Variants in OTOG observed in about 807,000 individuals in gnomAD.
OTOG encodes the protein otogelin.
Under a neutral mutation model 313.8 loss-of-function variants are expected in OTOG, and 296 were observed. That is an observed-to-expected ratio of 0.94 (90% CI 0.86 to 1.04). OTOG has a LOEUF of 1.04. Ranked by LOEUF, OTOG falls within the 50% of genes least tolerant of loss-of-function variation. The pLI is 0.00. For synonymous variants in OTOG, 1,533 were observed against 1,554.9 expected, an observed-to-expected ratio of 0.99 and a Z score of 0.33; for missense variants, 3,948 against 3,840.1, an observed-to-expected ratio of 1.03 and a Z score of -0.74.
chr11:17,599,861 G>T (rs1326411425), intron 31 of OTOG, among the ~76,000 whole-genome samples, 164 bp downstream of exon 31: 2 of 152,160 alleles, frequency 1.3e-5, no homozygotes, highest in Non-Finnish European at 2.9e-5. Context: ...ACAGTGAAGG[G>T]CCCAGGGGTG....
At chr11:17,566,908 C>G (rs1852303811) in intron 15 of OTOG, among the ~76,000 whole-genome samples, 1 of 152,146 alleles carries the variant, frequency 6.6e-6, no homozygotes, top group Non-Finnish European at 1.5e-5. Flanking sequence ...TCCTGGGATC[C>G]CCTCCTACGT....
At chr11:17,561,925 T>C (rs1852195509) in intron 15 of OTOG, 118 bp downstream of exon 15, 1 of 1,284,152 alleles carries the variant, frequency 7.8e-7, no homozygotes, top group Admixed American at 2.2e-5. Context: ...CTGCTGCCTC[T>C]TCTCTCTGGG....
At chr11:17,593,939 C>A in intron 27 of OTOG, 108 bp from the exon 28 acceptor site, 1 of 1,452,476 alleles carries the variant, frequency 6.9e-7, no homozygotes, top group Non-Finnish European at 9.3e-7. Context: ...GTGACCTCAG[C>A]AGTGGCTTCT....
intron 49 of OTOG, 104 bp from the exon 50 acceptor site, chr11:17,640,641 A>G (rs1344121367): frequency 5.7e-6 from 7 of 1,233,310 alleles, no homozygotes; most frequent in Non-Finnish European, 7.8e-6. Flanking sequence ...CCTCCTGCCC[A>G]CCACAGGGAG....
chr11:17,608,459 A>AGT (rs1232651080), intron 34 of OTOG, 46 bp downstream of exon 34: 6 of 1,304,146 alleles, frequency 4.6e-6, no homozygotes, highest in Non-Finnish European at 6.2e-6. Flanking sequence ...TGTGTGCACT[A>AGT]GTGTGTGTGT....
rs186878861 is a variant in OTOG, at chr11:17,608,447, G to A, written c.4274+34G>A. On this transcript the variant is annotated intron_variant, in intron 34 of 55. Coordinates refer to ENST00000399397, the MANE Select transcript of OTOG (RefSeq NM_001292063.2). ...CCAGGGGCTGTGGGCATGGAGCCAA[G>A]GTGTGTGCACTAGTGTGTGTGTGCA... 3.0e-4 allele frequency: 433 copies of A among 1,428,236 alleles called. No individual in the cohort carries two copies. In the Middle Eastern group the frequency reaches 3.1e-3, roughly 10 times the overall value. The allele number at this position is 1,428,236 out of a possible 1,614,324, so 88.5% of individuals were successfully genotyped here.
Position 17,593,336 on chromosome 11 carries a change from C to T in OTOG, c.3141+9C>T. 1 of 1,550,364 alleles carries T rather than the reference C, an allele frequency of 6.5e-7. No homozygotes were observed. The highest frequency in any genetic ancestry group is 8.7e-7 in the Non-Finnish European group (1 of 1,146,842). ...ATGACTCCGGAAATCCTGTAAGGCTCAGTGCCTGTGAAGGTTGTGTAGACA... is the reference window on the plus strand; with the variant it reads ...ATGACTCCGGAAATCCTGTAAGGCTTAGTGCCTGTGAAGGTTGTGTAGACA... On this transcript the variant is annotated intron_variant, in intron 26 of 55. Coordinates refer to ENST00000399397, the MANE Select transcript of OTOG (RefSeq NM_001292063.2).
At chr11:17,580,474 G>A (rs1365741740) in intron 23 of OTOG, among the ~76,000 whole-genome samples, 1 of 152,204 alleles carries the variant, frequency 6.6e-6, no homozygotes, top group Non-Finnish European at 1.5e-5. Context: ...GTAAAGAGAG[G>A]GTACTTTGCA....
chr11:17,583,896 T>C (rs949984211), intron 23 of OTOG, among the ~76,000 whole-genome samples: 3 of 152,206 alleles, frequency 2.0e-5, no homozygotes, highest in Non-Finnish European at 2.9e-5. Context: ...ATAGATCAAT[T>C]TGGGGAGAAT....
In OTOG at chr11:17,581,470, TC is replaced by T. The variant is rs561068323; in HGVS notation, c.2759+2947del. 2.0e-4 allele frequency among the ~76,000 whole-genome samples: 30 copies of T among 152,274 alleles called. No homozygotes were observed. The South Asian group carries it at 6.2e-3, about 32-fold the overall frequency. On this transcript the variant is annotated intron_variant, in intron 23 of 55. Coordinates refer to ENST00000399397, the MANE Select transcript of OTOG (RefSeq NM_001292063.2). ...CAGCTCAGAGATGACAGAGATTTCT[TC>T]CCTTGAAAATTGGCTGGGCCAATAG...
At chr11:17,590,474 C>T (rs1456641737) in intron 24 of OTOG, among the ~76,000 whole-genome samples, 1 of 152,234 alleles carries the variant, frequency 6.6e-6, no homozygotes, top group East Asian at 1.9e-4. Context: ...CTGCTGTTAC[C>T]CTGCTCCAGG....
chr11:17,573,111 CG>C lies in OTOG; in HGVS notation c.2119del (p.Glu707ArgfsTer10). 1 of 1,548,234 alleles carries C rather than the reference CG, an allele frequency of 6.5e-7. No homozygotes were observed. On this transcript the variant is annotated frameshift_variant, in exon 19 of 56. Transcript: ENST00000399397. LOFTEE classifies it high-confidence loss of function. Reference protein sequence around the residue: ...SYSVQACSVLTGEMFAPCSAF... With the variant: ...SYSVQACSVLXGEMFAPCSAF... ...TCAGTGCAGGCCTGCAGCGTGCTCA[CG>C]GGGGAGATGTTTGCGCCCTGCTCTG...
intron 31 of OTOG, among the ~76,000 whole-genome samples, chr11:17,599,958 GC>G (rs1273094879): frequency 6.6e-6 from 1 of 152,236 alleles, no homozygotes; most frequent in African/African-American, 2.4e-5. Context: ...CGGCAGGGCA[GC>G]CCCACCAGGA....
chr11:17,593,115 G>A (rs1010904178), intron 25 of OTOG, 78 bp from the exon 26 acceptor site: 41 of 1,383,552 alleles, frequency 3.0e-5, no homozygotes, highest in African/African-American at 1.2e-4. Flanking sequence ...TCCAGAGAGC[G>A]TGTTCCTCCA....
At position 17,597,349 on chromosome 11, in the gene OTOG, C is replaced by T. The variant is rs983861782; in HGVS notation, c.3682+342C>T. Among the ~76,000 whole-genome samples, 18 of 152,164 alleles carry T rather than the reference C, an allele frequency of 1.2e-4. 1 individual carries two copies. The highest frequency in any genetic ancestry group is 2.4e-4 in the African/African-American group (10 of 41,434). Reference sequence around the variant, plus strand: ...GGAGCCTAGACCCAGAGCTACCACTCGCAAGCTATGTGACTTCAAACAACT... The same window carrying T: ...GGAGCCTAGACCCAGAGCTACCACTTGCAAGCTATGTGACTTCAAACAACT... On this transcript the variant is annotated intron_variant, in intron 30 of 55. Transcript: ENST00000399397.
At chr11:17,600,710 A>G (rs1046491812) in intron 31 of OTOG, among the ~76,000 whole-genome samples, 1 of 152,102 alleles carries the variant, frequency 6.6e-6, no homozygotes, top group Non-Finnish European at 1.5e-5. Context: ...GCAATGGGGG[A>G]ACTGTGGTCC....
At chr11:17,563,502 C>T (rs1306970759) in intron 15 of OTOG, among the ~76,000 whole-genome samples, 1 of 152,220 alleles carries the variant, frequency 6.6e-6, no homozygotes, top group Non-Finnish European at 1.5e-5. Flanking sequence ...TAGAGAATGG[C>T]CCAGCCCTGG....
In OTOG at chr11:17,609,946, C is replaced by T; in HGVS notation, c.4646C>T (p.Pro1549Leu). The T allele has an allele frequency of 1.3e-6, 2 of 1,540,388 alleles. No homozygotes were observed. The highest frequency in any genetic ancestry group is 2.0e-5 in the Admixed American group (1 of 50,504). ...SQLPAGPTES[P>L]ASKGVTASLL... ...CTCCCCGCCGGCCCCACGGAGTCCCCAGCCAGCAAGGGAGTGACTGCCAGC... is the reference window on the plus strand; with the variant it reads ...CTCCCCGCCGGCCCCACGGAGTCCCTAGCCAGCAAGGGAGTGACTGCCAGC... Residue 1549 changes from proline to leucine, a missense_variant, in exon 36 of 56, where the codon CCA becomes CTA. Coordinates refer to ENST00000399397, the MANE Select transcript of OTOG (RefSeq NM_001292063.2).
In OTOG at chr11:17,569,230, C is replaced by G. The variant is rs1458815435; in HGVS notation, c.1719C>G (p.Thr573=). The change falls in exon 16 of 56, where the codon ACC becomes ACG. Residue 573 remains threonine, a synonymous_variant. Coordinates refer to ENST00000399397, the MANE Select transcript of OTOG (RefSeq NM_001292063.2). The part of the protein sequence containing the change: ...HQDPRRQVTL[T]QAGDVLLFDQ... ...ACCCTCGGAGGCAGGTGACCCTGAC[C>G]CAGGCAGGGGATGTCCTTCTGTTTG... 1 of 1,550,400 alleles carries G rather than the reference C, an allele frequency of 6.4e-7. No homozygotes were observed. The highest frequency in any genetic ancestry group is 8.7e-7 in the Non-Finnish European group (1 of 1,146,956).
Sources: allele counts gnomAD v4.1 joint callset (sites outside exome capture counted in the v4.1 genomes callset), GRCh38; gene constraint gnomAD v4.1.1; transcripts MANE v1.5; gene names NCBI Gene and HGNC (gene_info 2026-07-23, HGNC 2026-07-21).